PDE8B: variants seen among roughly 807,000 people sequenced by gnomAD.
The protein encoded by PDE8B is high affinity cAMP-specific and IBMX-insensitive 3',5'-cyclic phosphodiesterase 8B.
A neutral mutation model predicts 101.3 loss-of-function variants in PDE8B; 26 were observed. The ratio of observed to expected loss-of-function variants is 0.26; its 90% confidence interval spans 0.19 to 0.36. The LOEUF (loss-of-function observed/expected upper bound fraction) is 0.36, where lower values mean the gene tolerates loss of function less well. PDE8B is among the 10% of genes least tolerant of loss of function. The pLI is 1.00. For missense variants in PDE8B, 810 were observed against 1,163.1 expected, an observed-to-expected ratio of 0.70 and a Z score of 4.42; for synonymous variants, 424 against 429.3, an observed-to-expected ratio of 0.99 and a Z score of 0.15.
the PDE8B span, among the ~76,000 whole-genome samples, chr5:77,190,940 T>G: frequency 2.0e-5 from 3 of 152,190 alleles, no homozygotes; most frequent in Admixed American, 2.0e-4. Context: ...TACCACACAC[T>G]GGGTGGCTTA....
the PDE8B span, among the ~76,000 whole-genome samples, chr5:77,189,836 G>A: frequency 6.6e-6 from 1 of 152,144 alleles, no homozygotes; most frequent in Admixed American, 6.5e-5. Flanking sequence ...ATAGCCTGAG[G>A]GAAGCCAGGT....
chr5:77,143,665 A>G, the PDE8B span, among the ~76,000 whole-genome samples: 3 of 152,178 alleles, frequency 2.0e-5, no homozygotes, highest in Non-Finnish European at 2.9e-5. Context: ...TCAGTCTTCA[A>G]ACTATAAAAC....
intron 1 of PDE8B, among the ~76,000 whole-genome samples, chr5:77,309,235 GA>G (rs1309500767): frequency 1.5e-5 from 2 of 131,676 alleles, no homozygotes; most frequent in African/African-American, 5.4e-5. Context: ...GGAGGGGAGG[GA>G]GGGGTGGGGA....
the PDE8B span, among the ~76,000 whole-genome samples, chr5:77,174,943 C>G: frequency 6.6e-6 from 1 of 152,158 alleles, no homozygotes; most frequent in Non-Finnish European, 1.5e-5. Context: ...TTTCACAAGG[C>G]CCAAGCAGAA....
chr5:77,123,686 G>A, the PDE8B span, among the ~76,000 whole-genome samples: 1 of 152,164 alleles, frequency 6.6e-6, no homozygotes, highest in Non-Finnish European at 1.5e-5. Flanking sequence ...TGAGCCTGGG[G>A]AGGCAGAGGT....
chr5:77,396,632 T>G (rs1018372911), intron 10 of PDE8B, among the ~76,000 whole-genome samples: 1 of 152,184 alleles, frequency 6.6e-6, no homozygotes, highest in African/African-American at 2.4e-5. Context: ...ATCCTTTCCC[T>G]TTCTATCCAT....
At chr5:77,253,845 A>G (rs1202782980) in intron 1 of PDE8B, among the ~76,000 whole-genome samples, 1 of 152,060 alleles carries the variant, frequency 6.6e-6, no homozygotes. Context: ...TCTAGCTCCT[A>G]AGTTGATTGA....
At chr5:77,379,728 G>A (rs1048089201) in intron 10 of PDE8B, among the ~76,000 whole-genome samples, 3 of 152,190 alleles carry the variant, frequency 2.0e-5, no homozygotes, top group African/African-American at 7.2e-5. Context: ...GAATCTTCAA[G>A]TGGTTTTTGA....
chr5:77,384,647 A>G (rs1788177820), intron 10 of PDE8B, among the ~76,000 whole-genome samples: 2 of 152,276 alleles, frequency 1.3e-5, no homozygotes, highest in South Asian at 4.2e-4. Context: ...GATACGTTCA[A>G]TCAATACCTA....
intron 13 of PDE8B, among the ~76,000 whole-genome samples, chr5:77,407,728 C>T (rs918501982): frequency 5.3e-5 from 8 of 152,070 alleles, no homozygotes; most frequent in Admixed American, 1.3e-4. Context: ...ATGTTTGAAG[C>T]AAGTCTTGAA....
intron 5 of PDE8B, among the ~76,000 whole-genome samples, chr5:77,331,984 CA>C (rs1777220661): frequency 6.6e-6 from 1 of 152,114 alleles, no homozygotes; most frequent in African/African-American, 2.4e-5. Context: ...ACTGAGATTC[CA>C]CTTGAAGATT....
At chr5:77,250,349 A>T (rs1430353370) in intron 1 of PDE8B, among the ~76,000 whole-genome samples, 2 of 152,154 alleles carry the variant, frequency 1.3e-5, no homozygotes, top group African/African-American at 4.8e-5. Context: ...CTGCTAATGG[A>T]ATCCAGTTAC....
the PDE8B span, among the ~76,000 whole-genome samples, chr5:77,154,961 G>A: frequency 3.9e-5 from 6 of 152,186 alleles, no homozygotes; most frequent in African/African-American, 1.4e-4. Flanking sequence ...TCTGGATGTT[G>A]CAGACTTAAG....
chr5:77,351,550 G>A (rs1338829566), intron 9 of PDE8B, among the ~76,000 whole-genome samples: 1 of 152,144 alleles, frequency 6.6e-6, no homozygotes, highest in Non-Finnish European at 1.5e-5. Context: ...GGTTCCTCCA[G>A]GCCGGTTCTG....
intron 10 of PDE8B, among the ~76,000 whole-genome samples, chr5:77,356,375 T>A (rs1782111903): frequency 1.3e-5 from 2 of 152,024 alleles, no homozygotes; most frequent in African/African-American, 4.8e-5. Context: ...TCATATTGCA[T>A]AGGGAAAAAA....
At chr5:77,164,120 T>A in the PDE8B span, among the ~76,000 whole-genome samples, 1 of 152,222 alleles carries the variant, frequency 6.6e-6, no homozygotes, top group Non-Finnish European at 1.5e-5. Context: ...AGGGGTTGAC[T>A]TGGTTGACTT....
chr5:77,162,458 T>A, the PDE8B span, among the ~76,000 whole-genome samples: 2 of 152,018 alleles, frequency 1.3e-5, no homozygotes, highest in Non-Finnish European at 2.9e-5. Flanking sequence ...CACCTAGAAT[T>A]GCTAGAAAAA....
chr5:77,240,897 C>T (rs923652553), intron 1 of PDE8B, among the ~76,000 whole-genome samples: 5 of 152,268 alleles, frequency 3.3e-5, no homozygotes, highest in South Asian at 2.1e-4. Flanking sequence ...TTGAATAATA[C>T]GTAGTTGCAA....
intron 10 of PDE8B, among the ~76,000 whole-genome samples, chr5:77,399,872 G>A (rs920681265): frequency 6.6e-6 from 1 of 152,118 alleles, no homozygotes; most frequent in South Asian, 2.1e-4. Context: ...ATTTTATAAC[G>A]TATCTGAAAC....
Sources: gnomAD v4.1 joint callset for allele counts (sites outside exome capture counted in the v4.1 genomes callset) on GRCh38, gnomAD v4.1.1 for gene constraint, MANE v1.5 for transcripts, NCBI Gene and HGNC (gene_info 2026-07-23, HGNC 2026-07-21) for gene names.